MIB1: variants seen among roughly 807,000 people sequenced by gnomAD.
MIB1 encodes MIB E3 ubiquitin protein ligase 1.
A neutral mutation model predicts 124.5 loss-of-function variants in MIB1; 278 were observed. The ratio of observed to expected loss-of-function variants is 2.23; its 90% CI spans 2.02 to 2.47. The LOEUF is 2.47. Ranked by LOEUF, MIB1 falls within the 30% of genes most tolerant of loss-of-function variation. MIB1 has a pLI of 0.00. For synonymous variants in MIB1, 446 were observed against 429.4 expected, an observed-to-expected ratio of 1.04 and a Z score of -0.48; for missense variants, 957 against 1,254.4, an observed-to-expected ratio of 0.76 and a Z score of 3.58.
intron 1 of MIB1, among the ~76,000 whole-genome samples, chr18:21,764,962 A>G (rs1381399219): frequency 6.6e-6 from 1 of 152,040 alleles, no homozygotes; most frequent in Non-Finnish European, 1.5e-5. Flanking sequence ...CAAGCCACAC[A>G]TTGTTGAAAA....
At position 21,868,608 on chromosome 18, in the gene MIB1, ACTGT is replaced by A. The variant is rs1777135663; in HGVS notation, c.*3945_*3948del. ...TATGTGTGCCTTGTTGGAAGTGTCAACTGTCTTTATGTCTGCTTGTAAAAGTTTC... is the reference window on the plus strand; with the variant it reads ...TATGTGTGCCTTGTTGGAAGTGTCAACTTTATGTCTGCTTGTAAAAGTTTC... On this transcript the variant is annotated 3_prime_UTR_variant, in exon 21 of 21. Transcript: ENST00000261537. 6.6e-6 allele frequency: 1 copy of A among 152,426 alleles called. No homozygotes were observed. The highest frequency in any genetic ancestry group is 1.5e-5 in the Non-Finnish European group (1 of 67,872). 9.4% of individuals were successfully genotyped at this position (152,426 alleles called of 1,614,324 possible).
chr18:21,718,908 T>C (rs2146356812), intron 1 of MIB1, among the ~76,000 whole-genome samples: 1 of 152,196 alleles, frequency 6.6e-6, no homozygotes, highest in South Asian at 2.1e-4. Flanking sequence ...TTTAAAAAAT[T>C]AGCCAGGCAT....
In MIB1 at chr18:21,777,024, CA is replaced by C. The variant is rs1431219077; in HGVS notation, c.637-1075del. ...TAGGAAAATTAGCTGGACAAGGAAT[CA>C]AAAGACTGTATTTGGTTTTGTTATT... On this transcript the variant is annotated intron_variant, in intron 4 of 20. Coordinates refer to ENST00000261537, the MANE Select transcript of MIB1 (RefSeq NM_020774.4). Among the ~76,000 whole-genome samples, 4 of 151,984 alleles carry C rather than the reference CA, an allele frequency of 2.6e-5. No individual in the cohort carries two copies. In the South Asian group the frequency reaches 6.3e-4, roughly 24 times the overall value.
Position 21,765,824 on chromosome 18 carries a change from TGG to T in MIB1, c.283_284del (p.Gly95HisfsTer12). 1 of 1,614,200 alleles carries T rather than the reference TGG, an allele frequency of 6.2e-7. No individual in the cohort carries two copies. The highest frequency in any genetic ancestry group is 8.5e-7 in the Non-Finnish European group (1 of 1,180,026). ...ATACCTGCCGCCAGCAACCAATCAT[TGG>T]CATTCGATGGAAGTGTGCAGAGTGT... is the stretch of plus-strand genomic sequence containing the variant. The part of the protein sequence containing the change: ...CDTCRQQPII[G>X]IRWKCAECTN... On this transcript the variant is annotated frameshift_variant, in exon 2 of 21. Transcript: ENST00000261537. LOFTEE classifies it high-confidence loss of function.
At chr18:21,844,311 T>C in intron 15 of MIB1, 58 bp downstream of exon 15, 1 of 1,509,468 alleles carries the variant, frequency 6.6e-7, no homozygotes, top group Non-Finnish European at 9.1e-7. Context: ...ATGCAAGATC[T>C]TATATTTACT....
At chr18:21,756,819 G>A (rs1397099030) in intron 1 of MIB1, among the ~76,000 whole-genome samples, 3 of 152,088 alleles carry the variant, frequency 2.0e-5, no homozygotes, top group African/African-American at 7.2e-5. Context: ...TGACTCCTAT[G>A]TAAAAAAATG....
intron 10 of MIB1, among the ~76,000 whole-genome samples, chr18:21,806,390 G>T (rs890640973): frequency 2.0e-5 from 3 of 151,792 alleles, no homozygotes; most frequent in Non-Finnish European, 4.4e-5. Flanking sequence ...TTTATAAAGA[G>T]ATGGTCTCAC....
At chr18:21,786,215 G>C (rs2041433454) in intron 6 of MIB1, among the ~76,000 whole-genome samples, 1 of 151,990 alleles carries the variant, frequency 6.6e-6, no homozygotes, top group Non-Finnish European at 1.5e-5. Flanking sequence ...TCCTGCCTCA[G>C]CCTCCCGAGT....
chr18:21,791,195 C>A (rs865978465), intron 6 of MIB1, 179 bp from the exon 7 acceptor site: 201 of 350,648 alleles, frequency 5.7e-4, no homozygotes, highest in African/African-American at 3.0e-3. Flanking sequence ...AAAAAAAAAA[C>A]AAAACAGAAA....
intron 4 of MIB1, among the ~76,000 whole-genome samples, chr18:21,776,677 G>T (rs991973717): frequency 6.6e-6 from 1 of 152,150 alleles, no homozygotes; most frequent in Non-Finnish European, 1.5e-5. Context: ...AGGTTATGGC[G>T]AAGTAAGGAC....
upstream of MIB1, among the ~76,000 whole-genome samples, chr18:21,736,718 A>G (rs2040798306): frequency 6.6e-6 from 1 of 152,236 alleles, no homozygotes; most frequent in South Asian, 2.1e-4. Flanking sequence ...TTGGTGAAGC[A>G]TACACAAGTA....
chr18:21,757,451 CAAAAAAAAA>C (rs1202189616), intron 1 of MIB1, among the ~76,000 whole-genome samples: 2 of 13,284 alleles, frequency 1.5e-4, no homozygotes, highest in Non-Finnish European at 2.4e-4. Context: ...GACTCTGTCT[CAAAAAAAAA>C]AAAAAAAAAA....
chr18:21,851,082 T>C (rs1217271451), intron 17 of MIB1, among the ~76,000 whole-genome samples: 4 of 152,080 alleles, frequency 2.6e-5, no homozygotes, highest in Non-Finnish European at 5.9e-5. Context: ...TTTAAGAGAG[T>C]TAAAAACTGA....
chr18:21,805,630 C>T (rs1427185380), intron 10 of MIB1, among the ~76,000 whole-genome samples: 1 of 151,908 alleles, frequency 6.6e-6, no homozygotes, highest in African/African-American at 2.4e-5. Flanking sequence ...CCAGAAACTC[C>T]AATAGCAACA....
intron 10 of MIB1, among the ~76,000 whole-genome samples, chr18:21,806,618 G>GT (rs1226979427): frequency 6.7e-6 from 1 of 149,550 alleles, no homozygotes; most frequent in East Asian, 2.0e-4. Context: ...ATAGTTTTTT[G>GT]TTTTTTGTTT....
chr18:21,796,012 GAA>G (rs2041574698), intron 7 of MIB1, among the ~76,000 whole-genome samples: 1 of 152,162 alleles, frequency 6.6e-6, no homozygotes, highest in African/African-American at 2.4e-5. Flanking sequence ...GAATTTGAAT[GAA>G]AAGAGTGTTT....
chr18:21,765,843 G>A lies in MIB1; in HGVS notation c.301G>A (p.Ala101Thr). Residue 101 changes from alanine to threonine, a missense_variant, in exon 2 of 21, where the codon GCA becomes ACA. Transcript: ENST00000261537. ...AATCATTGGCATTCGATGGAAGTGT[G>A]CAGAGTGTACAAATTATGATTTGTG... ...QPIIGIRWKC[A>T]ECTNYDLCTV... 6.2e-7 allele frequency: 1 copy of A among 1,614,164 alleles called. No homozygotes were observed.
chr18:21,864,564 G>T lies in MIB1; in HGVS notation c.2919G>T (p.Met973Ile). 1 of 1,613,694 alleles carries T rather than the reference G, an allele frequency of 6.2e-7. No individual in the cohort carries two copies. Among genetic ancestry groups the T allele is most frequent in the Non-Finnish European group, 8.5e-7 (1 of 1,179,632 alleles). The change falls in exon 21 of 21, where the codon ATG becomes ATT. Residue 973 changes from methionine (M) to isoleucine (I), a missense_variant. Physicochemically the swap from Met to Ile is conservative, Grantham distance 10. Coordinates refer to ENST00000261537, the MANE Select transcript of MIB1 (RefSeq NM_020774.4). ...CPVCLDRLKN[M>I]IFLCGHGTCQ... is the part of the protein sequence containing the mutation. ...TGTGTCTAGATCGTCTGAAGAATATGATTTTCCTTTGTGGTCACGGAACCT... is the reference window on the plus strand; with the variant it reads ...TGTGTCTAGATCGTCTGAAGAATATTATTTTCCTTTGTGGTCACGGAACCT...
rs545953612 is a variant in MIB1, at chr18:21,741,359, G to A, written c.-225G>A. On this transcript the variant is annotated 5_prime_UTR_variant, in exon 1 of 21. Transcript: ENST00000261537. This position sits in a 1 kb window ranked among gnomAD's most constrained non-coding sequence, Gnocchi z 5.4. ...CGCCGCCTCCGAGCAGCCGCGGGCC[G>A]CCCTCCACTCCGAGCGGGGGGCGCG... is the stretch of plus-strand genomic sequence containing the variant. 7.2e-5 allele frequency: 14 copies of A among 194,020 alleles called. No homozygotes were observed. In the East Asian group the frequency reaches 1.5e-3, roughly 21 times the overall value. The allele number at this position is 194,020 out of a possible 1,614,324, so 12.0% of individuals were successfully genotyped here.
Sources: gnomAD v4.1 joint callset for allele counts (sites outside exome capture counted in the v4.1 genomes callset) on GRCh38, gnomAD v4.1.1 for gene constraint, Gnocchi (gnomAD v3.1) non-coding constraint, MANE v1.5 for transcripts, NCBI Gene and HGNC (gene_info 2026-07-23, HGNC 2026-07-21) for gene names.